Variants in ARVCF observed in about 807,000 individuals in gnomAD.
ARVCF encodes ARVCF delta catenin family member, also known as splicing regulator ARVCF.
In ARVCF, 66 loss-of-function variants were observed where a neutral mutation model predicts 90.9. That is an observed-to-expected ratio of 0.73 (90% CI 0.60 to 0.89). The LOEUF is 0.89. ARVCF is among the 40% of genes least tolerant of loss of function. The pLI, the probability that ARVCF is intolerant of heterozygous loss-of-function variation, is 0.00. For missense variants in ARVCF, 1,469 were observed against 1,382.3 expected, an observed-to-expected ratio of 1.06 and a Z score of -1.00; for synonymous variants, 653 against 603.4, an observed-to-expected ratio of 1.08 and a Z score of -1.21.
At chr22:19,998,122 C>A (rs1319269405) in intron 2 of ARVCF, among the ~76,000 whole-genome samples, 1 of 152,232 alleles carries the variant, frequency 6.6e-6, no homozygotes, top group African/African-American at 2.4e-5. Flanking sequence ...TACGGCCCCA[C>A]TGAGGCACTG....
chr22:20,010,617 T>C (rs1944791797), intron 1 of ARVCF, 109 bp from the exon 2 acceptor site: 1 of 152,240 alleles, frequency 6.6e-6, no homozygotes, highest in South Asian at 2.1e-4. Context: ...TTGTCATGCC[T>C]GATCTGAAGG....
At chr22:19,987,371 T>G (rs919936615) in intron 3 of ARVCF, among the ~76,000 whole-genome samples, 1 of 36,038 alleles carries the variant, frequency 2.8e-5, no homozygotes, top group Non-Finnish European at 5.2e-5. Flanking sequence ...GGTCGCCCCC[T>G]GTCCCCCCAC....
At chr22:19,977,852 A>T in intron 8 of ARVCF, 106 bp downstream of exon 8, 1 of 1,324,092 alleles carries the variant, frequency 7.6e-7, no homozygotes, top group East Asian at 2.4e-5. Flanking sequence ...GCCACCCCAG[A>T]CCCACAAGCC....
rs763787918 is a variant in ARVCF at position 19,979,739 on chromosome 22, T to G, written c.1396+4A>C. 2 of 1,591,502 alleles carry G rather than the reference T, an allele frequency of 1.3e-6. No individual in the cohort carries two copies. The highest frequency in any genetic ancestry group is 1.7e-6 in the Non-Finnish European group (2 of 1,165,258). ...GGATGTGAGCATGGCCAGGTCCCAC[T>G]CACCAGTGACAAGCTCACGGACCTC... On this transcript the variant is annotated splice_donor_region_variant and intron_variant, in intron 6 of 19. Transcript: ENST00000263207.
chr22:19,993,164 A>G (rs1944093584), intron 2 of ARVCF, among the ~76,000 whole-genome samples: 1 of 152,022 alleles, frequency 6.6e-6, no homozygotes. Flanking sequence ...GAAGTGCCCT[A>G]GGCCCGCAGG....
chr22:20,007,197 G>A (rs1944661884), intron 2 of ARVCF, among the ~76,000 whole-genome samples: 1 of 151,982 alleles, frequency 6.6e-6, no homozygotes, highest in African/African-American at 2.4e-5. Context: ...TCAGGAGTTC[G>A]ACACCAGCCT....
chr22:19,993,756 C>T (rs1272628173), intron 2 of ARVCF, among the ~76,000 whole-genome samples: 2 of 152,236 alleles, frequency 1.3e-5, no homozygotes, highest in Admixed American at 6.5e-5. Flanking sequence ...ACTTCAGGAC[C>T]ATGTGGACAA....
chr22:19,993,088 G>GACCTTGGTGC (rs1371177146), intron 2 of ARVCF, among the ~76,000 whole-genome samples: 1 of 152,218 alleles, frequency 6.6e-6, no homozygotes, highest in Non-Finnish European at 1.5e-5. Context: ...GGAGAGCAGA[G>GACCTTGGTGC]ACCTTGGTGC....
intron 9 of ARVCF, 124 bp from the exon 10 acceptor site, chr22:19,976,847 T>C (rs985386953): frequency 4.4e-6 from 5 of 1,142,784 alleles, no homozygotes; most frequent in South Asian, 4.2e-5. Context: ...GCAGGCAGCA[T>C]GTGGAACCTC....
Position 19,981,574 on chromosome 22 carries a change from A to T in ARVCF, c.533T>A (p.Leu178His), listed in dbSNP as rs748159393. 68 of 1,605,444 alleles carry T rather than the reference A, an allele frequency of 4.2e-5. No individual in the cohort carries two copies. The African/African-American group carries it at 4.4e-4, about 10-fold the overall frequency. ...CCCACTGCTGAGGTAGGCTCGAGAG[A>T]GTGTGGCCACTGGGCCACCACCACG... ...LLRGGGPVATLSRAYLSSGGG... is the reference protein window; with the variant it reads ...LLRGGGPVATHSRAYLSSGGG... Residue 178 changes from leucine (L) to histidine (H), a missense_variant, in exon 5 of 20, where the codon CTC becomes CAC. Transcript: ENST00000263207.
chr22:19,969,027 T>C (rs915526088), downstream of ARVCF: 10 of 300,966 alleles, frequency 3.3e-5, no homozygotes, highest in Admixed American at 3.2e-4. Context: ...TATTTAGATA[T>C]AACTCGACTT....
At chr22:20,006,995 T>C (rs550074990) in intron 2 of ARVCF, among the ~76,000 whole-genome samples, 26 of 152,102 alleles carry the variant, frequency 1.7e-4, no homozygotes, top group Admixed American at 3.3e-4. Context: ...GGCTCACACC[T>C]GTAATCCCAG....
chr22:19,970,724 C>A lies in ARVCF; in HGVS notation c.*32G>T, dbSNP rs1230520716. 72 of 1,290,140 alleles carry A rather than the reference C, an allele frequency of 5.6e-5. No individual in the cohort carries two copies. Among genetic ancestry groups the A allele is most frequent in the Middle Eastern group, 2.1e-4 (1 of 4,716 alleles). 79.9% of individuals were successfully genotyped at this position (1,290,140 alleles called of 1,614,324 possible). On this transcript the variant is annotated 3_prime_UTR_variant, in exon 20 of 20. Coordinates refer to ENST00000263207, the MANE Select transcript of ARVCF (RefSeq NM_001670.3). ...TCTTCCACGATCCAAGCCCTAAGAACAAGAGGCTGGGCCTGGGCCCTGCAG... is the reference window on the plus strand; with the variant it reads ...TCTTCCACGATCCAAGCCCTAAGAAAAAGAGGCTGGGCCTGGGCCCTGCAG...
At position 19,981,929 on chromosome 22, in the gene ARVCF, A is replaced by C; in HGVS notation, c.369+4T>G. 6.2e-7 allele frequency: 1 copy of C among 1,610,918 alleles called. No individual in the cohort carries two copies. Among genetic ancestry groups the C allele is most frequent in the Non-Finnish European group, 8.5e-7 (1 of 1,179,306 alleles). ...ACCCACCCACTGCCTGGGCCTGGCC[A>C]TACCTTGGTCTCGGTGCGCCGGGTT... is the stretch of plus-strand genomic sequence containing the variant. On this transcript the variant is annotated splice_donor_region_variant and intron_variant, in intron 4 of 19. Coordinates refer to ENST00000263207, the MANE Select transcript of ARVCF (RefSeq NM_001670.3).
intron 4 of ARVCF, 77 bp from the exon 5 acceptor site, chr22:19,981,814 A>C: frequency 6.5e-7 from 1 of 1,548,452 alleles, no homozygotes; most frequent in East Asian, 2.3e-5. Flanking sequence ...GGCTGGCCTT[A>C]ATTTCCCACT....
intron 2 of ARVCF, among the ~76,000 whole-genome samples, chr22:19,996,205 G>A (rs547007283): frequency 5.9e-5 from 9 of 152,248 alleles, no homozygotes; most frequent in South Asian, 2.1e-4. Flanking sequence ...TGTTGGATCC[G>A]GGGTGCCTGG....
At chr22:19,980,963 G>C (rs1455362824) in intron 5 of ARVCF, 2 of 498,674 alleles carry the variant, frequency 4.0e-6, no homozygotes, top group African/African-American at 2.0e-5. Context: ...AGTGTGGCTG[G>C]AGCAAGGCCA....
At chr22:20,008,313 G>C (rs886162) in intron 2 of ARVCF, among the ~76,000 whole-genome samples, 59,540 of 152,018 alleles carry the variant, frequency 0.39, 12,014 homozygotes, top group Non-Finnish European at 0.45. Flanking sequence ...ACCACTGCTG[G>C]CCAGCTATGG....
Position 19,981,214 on chromosome 22 carries a change from G to A in ARVCF, c.893C>T (p.Thr298Ile). The A allele has an allele frequency of 6.5e-7, 1 of 1,537,022 alleles. No individual in the cohort carries two copies. The highest frequency in any genetic ancestry group is 8.8e-7 in the Non-Finnish European group (1 of 1,139,436). The part of the protein sequence containing the change: ...RRPECGRGLH[T>I]RAYEDTADDG... ...CAGGGGACGGGGTGCAGCTCACCTGGTATGAAGGCCCCGCCCACACTCAGG... is the reference window on the plus strand; with the variant it reads ...CAGGGGACGGGGTGCAGCTCACCTGATATGAAGGCCCCGCCCACACTCAGG... Residue 298 changes from threonine to isoleucine, a missense_variant, in exon 5 of 20, where the codon ACC becomes ATC. Coordinates refer to ENST00000263207, the MANE Select transcript of ARVCF (RefSeq NM_001670.3).
Sources: allele counts gnomAD v4.1 joint callset (sites outside exome capture counted in the v4.1 genomes callset), GRCh38; gene constraint gnomAD v4.1.1; transcripts MANE v1.5; gene names NCBI Gene and HGNC (gene_info 2026-07-23, HGNC 2026-07-21).